The following CAAP1 variants were observed in gnomAD, a reference collection of about 807,000 sequenced individuals.
CAAP1 encodes the protein caspase activity and apoptosis inhibitor 1, also known as conserved anti-apoptotic protein.
Under a neutral mutation model 34.0 loss-of-function variants are expected in CAAP1, and 20 were observed. The ratio of observed to expected loss-of-function variants is 0.59; its 90% CI spans 0.41 to 0.86. The LOEUF (loss-of-function observed/expected upper bound fraction) is 0.86, where lower values mean the gene tolerates loss of function less well. Ranked by LOEUF, CAAP1 falls within the 40% of genes least tolerant of loss-of-function variation. CAAP1 has a pLI of 0.00. For missense variants in CAAP1, 538 were observed against 450.5 expected (o/e 1.19, Z -1.76); for synonymous variants, 213 against 166.7 (o/e 1.28, Z -2.14).
chr9:26,887,943 C>A (rs1035005576), intron 1 of CAAP1, among the ~76,000 whole-genome samples: 7 of 152,024 alleles, frequency 4.6e-5, no homozygotes, highest in Non-Finnish European at 7.4e-5. Flanking sequence ...ACATACGTAC[C>A]AGGAGCTATC....
intron 5 of CAAP1, among the ~76,000 whole-genome samples, chr9:26,850,480 C>T (rs145355977): frequency 1.8e-3 from 269 of 152,198 alleles, no homozygotes; most frequent in Non-Finnish European, 3.4e-3. Flanking sequence ...CATAATTCCC[C>T]AATACCAAAA....
At chr9:26,860,699 G>C (rs1587100717) in intron 5 of CAAP1, among the ~76,000 whole-genome samples, 1 of 151,176 alleles carries the variant, frequency 6.6e-6, no homozygotes, top group Non-Finnish European at 1.5e-5. Flanking sequence ...GGCTGAGGCA[G>C]GAGAATGGCG....
At chr9:26,867,839 T>C (rs56675714) in intron 4 of CAAP1, among the ~76,000 whole-genome samples, 170 of 152,244 alleles carry the variant, frequency 1.1e-3, no homozygotes, top group African/African-American at 3.6e-3. Context: ...TTTTAATCCA[T>C]GAATTTAAAA....
intron 4 of CAAP1, 63 bp downstream of exon 4, chr9:26,884,747 T>C: frequency 9.1e-7 from 1 of 1,100,086 alleles, no homozygotes; most frequent in Admixed American, 1.8e-5. Flanking sequence ...ATCTTTGACA[T>C]AAGAAATCAC....
At chr9:26,856,092 G>C (rs1490154971) in intron 5 of CAAP1, among the ~76,000 whole-genome samples, 1 of 151,152 alleles carries the variant, frequency 6.6e-6, no homozygotes, top group East Asian at 2.0e-4. Context: ...GGGATTGTGG[G>C]TGTGGGCATG....
Position 26,892,748 on chromosome 9 carries a change from C to T in CAAP1, c.-33G>A. On this transcript the variant is annotated 5_prime_UTR_variant, in exon 1 of 6. Coordinates refer to ENST00000333916, the MANE Select transcript of CAAP1 (RefSeq NM_024828.4). ...CTGCTGCAACCATCGGAGGAAAGTC[C>T]GCTGTCTCTGGTGCGACCGAAGCCC... 3 of 1,548,584 alleles carry T rather than the reference C, an allele frequency of 1.9e-6. No individual in the cohort carries two copies. The highest frequency in any genetic ancestry group is 2.6e-6 in the Non-Finnish European group (3 of 1,151,748).
chr9:26,865,320 T>C (rs1336715573), intron 4 of CAAP1, among the ~76,000 whole-genome samples: 1 of 151,990 alleles, frequency 6.6e-6, no homozygotes, highest in Non-Finnish European at 1.5e-5. Flanking sequence ...AGGTCAGAGT[T>C]TGAGACCAGC....
intron 5 of CAAP1, among the ~76,000 whole-genome samples, chr9:26,843,194 T>C (rs895189810): frequency 6.6e-6 from 1 of 152,216 alleles, no homozygotes; most frequent in Non-Finnish European, 1.5e-5. Context: ...TAAAGAAGAA[T>C]GCCTAAGGCC....
At chr9:26,891,437 T>A (rs1456894792) in intron 1 of CAAP1, among the ~76,000 whole-genome samples, 1 of 152,212 alleles carries the variant, frequency 6.6e-6, no homozygotes, top group African/African-American at 2.4e-5. Context: ...AAGTCTCATT[T>A]GGAAAGCATT....
intron 4 of CAAP1, among the ~76,000 whole-genome samples, chr9:26,868,253 G>C (rs996056789): frequency 6.6e-6 from 1 of 152,114 alleles, no homozygotes; most frequent in Non-Finnish European, 1.5e-5. Context: ...CTTGAAATGG[G>C]GAGATTATCT....
At chr9:26,847,566 A>T (rs532525193) in intron 5 of CAAP1, among the ~76,000 whole-genome samples, 1 of 152,074 alleles carries the variant, frequency 6.6e-6, no homozygotes, top group South Asian at 2.1e-4. Flanking sequence ...TAGGTTGAGC[A>T]TTCTTTTCCA....
chr9:26,883,754 T>C (rs1049719799), intron 4 of CAAP1, among the ~76,000 whole-genome samples: 1 of 152,206 alleles, frequency 6.6e-6, no homozygotes, highest in East Asian at 1.9e-4. Context: ...AAGTGATTAA[T>C]TTAGATAATT....
intron 4 of CAAP1, among the ~76,000 whole-genome samples, chr9:26,865,245 C>G (rs138281051): frequency 9.9e-5 from 15 of 152,062 alleles, no homozygotes; most frequent in African/African-American, 3.6e-4. Context: ...AGAAATTTGG[C>G]GAGGGGCAGT....
intron 4 of CAAP1, among the ~76,000 whole-genome samples, chr9:26,866,547 T>TA (rs1249110632): frequency 6.6e-6 from 1 of 152,088 alleles, no homozygotes; most frequent in African/African-American, 2.4e-5. Context: ...AGTAAGTTGT[T>TA]AAAAAACAGA....
At chr9:26,865,510 G>C (rs1430567773) in intron 4 of CAAP1, among the ~76,000 whole-genome samples, 1 of 148,042 alleles carries the variant, frequency 6.8e-6, no homozygotes, top group Non-Finnish European at 1.5e-5. Flanking sequence ...GGCAACAAGA[G>C]AGAAACTATG....
rs1406261317 is a variant in CAAP1 at position 26,892,187 on chromosome 9, A to G, written c.303+226T>C. 2.3e-6 allele frequency: 3 copies of G among 1,282,216 alleles called. No individual in the cohort carries two copies. In the African/African-American group the frequency reaches 4.5e-5, roughly 19 times the overall value. 79.4% of individuals were successfully genotyped at this position (1,282,216 alleles called of 1,614,324 possible). A position where few individuals can be genotyped will look rare whatever the true frequency, so the allele number is the denominator to read the frequency against. ...GCCAAGAGTTTAAAAAATAAATTAAAAAAAAAGTGATCAGGAAATCCAGAA... is the reference window on the plus strand; with the variant it reads ...GCCAAGAGTTTAAAAAATAAATTAAGAAAAAAGTGATCAGGAAATCCAGAA... On this transcript the variant is annotated intron_variant, in intron 1 of 5. Coordinates refer to ENST00000333916, the MANE Select transcript of CAAP1 (RefSeq NM_024828.4).
At chr9:26,874,935 C>G (rs1014664478) in intron 4 of CAAP1, among the ~76,000 whole-genome samples, 1 of 152,066 alleles carries the variant, frequency 6.6e-6, no homozygotes, top group Non-Finnish European at 1.5e-5. Context: ...AATTTATAAT[C>G]TTTAAAGCTT....
intron 5 of CAAP1, among the ~76,000 whole-genome samples, chr9:26,847,155 G>C (rs1822630880): frequency 3.0e-5 from 4 of 132,388 alleles, no homozygotes; most frequent in Non-Finnish European, 6.3e-5. Context: ...TTCTTTTATA[G>C]ACAGATAAAA....
At chr9:26,843,486 CTTTTT>C (rs921012447) in intron 5 of CAAP1, among the ~76,000 whole-genome samples, 2 of 150,602 alleles carry the variant, frequency 1.3e-5, no homozygotes, top group African/African-American at 4.9e-5. Context: ...TCTTTTTTTT[CTTTTT>C]ATTTTATTAT....
Sources: allele counts gnomAD v4.1 joint callset (sites outside exome capture counted in the v4.1 genomes callset), GRCh38; gene constraint gnomAD v4.1.1; transcripts MANE v1.5; gene names NCBI Gene and HGNC (gene_info 2026-07-23, HGNC 2026-07-21).